EML6: variants seen among roughly 807,000 people sequenced by gnomAD.
The protein encoded by EML6 is echinoderm microtubule-associated protein-like 6.
Under a neutral mutation model 240.1 loss-of-function variants are expected in EML6, and 154 were observed. The ratio of observed to expected loss-of-function variants is 0.64; its 90% CI spans 0.56 to 0.73. The LOEUF is 0.73. EML6 is among the 30% of genes least tolerant of loss of function. The pLI is 0.00. For synonymous variants in EML6, 1,148 were observed against 899.0 expected (o/e 1.28, Z -4.95); for missense variants, 2,964 against 2,474.6 (o/e 1.20, Z -4.20).
At chr2:54,761,907 AC>A (rs1168805187) in intron 2 of EML6, among the ~76,000 whole-genome samples, 2 of 151,610 alleles carry the variant, frequency 1.3e-5, no homozygotes, top group African/African-American at 4.9e-5. Flanking sequence ...ATTCCCTTTT[AC>A]CCTTAATACT....
Position 54,962,541 on chromosome 2 carries a change from A to T in EML6, c.4987A>T (p.Thr1663Ser). 1 of 1,546,674 alleles carries T rather than the reference A, an allele frequency of 6.5e-7. No homozygotes were observed. Among genetic ancestry groups the T allele is most frequent in the Non-Finnish European group, 8.7e-7 (1 of 1,144,742 alleles). ...ACAACAGGGAAAAATCTTAGTGGGA[A>T]CCAAAGACGGAGAAATAATTGAAGT... ...CRGKGKILVG[T>S]KDGEIIEVGE... is the part of the protein sequence containing the mutation. Residue 1663 changes from threonine to serine, a missense_variant, in exon 36 of 42, where the codon ACC (threonine) becomes TCC (serine). Thr to Ser is a moderately conservative substitution (Grantham distance 58). Coordinates refer to ENST00000356458, the MANE Select transcript of EML6 (RefSeq NM_001039753.4).
chr2:54,874,344 C>T (rs969570492), intron 16 of EML6, among the ~76,000 whole-genome samples: 6 of 152,224 alleles, frequency 3.9e-5, no homozygotes, highest in Admixed American at 3.9e-4. Context: ...AAATCAGATA[C>T]TCTGGAGGAG....
chr2:54,899,895 T>C (rs1672966654), intron 22 of EML6, 113 bp downstream of exon 22: 3 of 1,020,806 alleles, frequency 2.9e-6, no homozygotes, highest in Non-Finnish European at 4.2e-6. Context: ...CCCATAAATA[T>C]GCTGGGCAAT....
intron 2 of EML6, among the ~76,000 whole-genome samples, chr2:54,808,007 T>C (rs1670587017): frequency 6.6e-6 from 1 of 152,226 alleles, no homozygotes; most frequent in African/African-American, 2.4e-5. Context: ...GCACCACTCA[T>C]CAAGCTTGTT....
intron 2 of EML6, among the ~76,000 whole-genome samples, chr2:54,742,786 T>G (rs1398414488): frequency 6.6e-6 from 1 of 152,144 alleles, no homozygotes; most frequent in East Asian, 1.9e-4. Flanking sequence ...CTTTGCAAAG[T>G]GAGTTGAAGA....
intron 16 of EML6, among the ~76,000 whole-genome samples, chr2:54,875,287 A>C (rs1433550199): frequency 6.6e-6 from 1 of 152,234 alleles, no homozygotes; most frequent in Non-Finnish European, 1.5e-5. Flanking sequence ...ATCCTTTGGA[A>C]ACTGATAGAA....
chr2:54,822,023 G>C (rs1157092815), intron 5 of EML6, among the ~76,000 whole-genome samples: 1 of 152,004 alleles, frequency 6.6e-6, no homozygotes, highest in African/African-American at 2.4e-5. Flanking sequence ...CCGCAAACTA[G>C]CAAAAGTATA....
chr2:54,747,408 T>G (rs1268547321), intron 2 of EML6: 1 of 152,236 alleles, frequency 6.6e-6, no homozygotes, highest in African/African-American at 2.4e-5. Flanking sequence ...AAAGGTCTGC[T>G]AGACTGATGT....
chr2:54,725,044 G>A lies in EML6; in HGVS notation c.-18G>A, dbSNP rs1369291235. 2.0e-6 allele frequency: 3 copies of A among 1,495,068 alleles called. No homozygotes were observed. The highest frequency in any genetic ancestry group is 2.9e-5 in the East Asian group (1 of 34,030). The allele number at this position is 1,495,068 out of a possible 1,614,324, so 92.6% of individuals were successfully genotyped here. A position where few individuals can be genotyped will look rare whatever the true frequency, so the allele number is the denominator to read the frequency against. On this transcript the variant is annotated 5_prime_UTR_variant, in exon 2 of 42. Transcript: ENST00000356458. The surrounding 1 kb of genome is among the most constrained non-coding windows in gnomAD (Gnocchi z 4.3). ...CCCGGCGCGCGGGGGGGCGGGGGGC[G>A]CGCGGGGTCGGCTTATCATGGCGGA...
chr2:54,894,091 T>G (rs1030302559), intron 19 of EML6, among the ~76,000 whole-genome samples: 4 of 151,998 alleles, frequency 2.6e-5, no homozygotes, highest in Admixed American at 2.6e-4. Context: ...TATATAAGAA[T>G]AAGGATATTT....
chr2:54,943,113 C>T (rs75969496), intron 28 of EML6, among the ~76,000 whole-genome samples: 1 of 152,314 alleles, frequency 6.6e-6, no homozygotes, highest in East Asian at 1.9e-4. Flanking sequence ...AGCAGTCATC[C>T]AGGTTTCAAC....
chr2:54,928,702 G>A lies in EML6; in HGVS notation c.3955G>A (p.Glu1319Lys). ...TTATGCTGTGAGCATCAGGGAAATG[G>A]AAGGCACCAAGCCACACCAGCAGCT... ...KIYAVSIREM[E>K]GTKPHQQLKE... The change falls in exon 28 of 42, where the codon GAA becomes AAA. Residue 1319 changes from glutamate to lysine, a missense_variant. Physicochemically the swap from Glu to Lys is moderately conservative, Grantham distance 56. Transcript: ENST00000356458. The A allele has an allele frequency of 1.3e-6, 2 of 1,551,722 alleles. No homozygotes were observed. Among genetic ancestry groups the A allele is most frequent in the Non-Finnish European group, 1.7e-6 (2 of 1,147,010 alleles).
chr2:54,837,458 G>A lies in EML6; in HGVS notation c.848-6589G>A, dbSNP rs191050161. ...ATAATGCCACCTCCTAAGCACTCACGGGCACTCACGGGCACACGGCTTGGT... is the reference window on the plus strand; with the variant it reads ...ATAATGCCACCTCCTAAGCACTCACAGGCACTCACGGGCACACGGCTTGGT... On this transcript the variant is annotated intron_variant, in intron 7 of 41. Transcript: ENST00000356458. Among the ~76,000 whole-genome samples, 54 of 152,100 alleles carry A rather than the reference G, an allele frequency of 3.6e-4. 1 individual carries two copies. Among genetic ancestry groups the A allele is most frequent in the African/African-American group, 1.3e-3 (52 of 41,440 alleles).
At chr2:54,849,873 C>T in intron 9 of EML6, 89 bp from the exon 10 acceptor site, 4 of 1,059,034 alleles carry the variant, frequency 3.8e-6, no homozygotes, top group Non-Finnish European at 5.4e-6. Context: ...TCTCTTTCAA[C>T]ACACTTCTTT....
intron 2 of EML6, among the ~76,000 whole-genome samples, chr2:54,812,780 C>G (rs1454066594): frequency 6.6e-6 from 1 of 152,010 alleles, no homozygotes; most frequent in Non-Finnish European, 1.5e-5. Context: ...CTTTGAAATC[C>G]TAATGAGGAT....
intron 12 of EML6, among the ~76,000 whole-genome samples, chr2:54,862,360 A>G (rs1192832628): frequency 3.3e-5 from 5 of 150,944 alleles, no homozygotes; most frequent in African/African-American, 9.7e-5. Context: ...AAAAAAAAAA[A>G]AAAAACTTTC....
chr2:54,945,563 C>T (rs936651830), intron 28 of EML6, among the ~76,000 whole-genome samples: 8 of 152,166 alleles, frequency 5.3e-5, no homozygotes, highest in African/African-American at 1.9e-4. Flanking sequence ...AAGCCTCACT[C>T]CCCAGTTGGC....
chr2:54,883,213 A>G (rs955324151), intron 17 of EML6, among the ~76,000 whole-genome samples: 1 of 151,930 alleles, frequency 6.6e-6, no homozygotes, highest in Non-Finnish European at 1.5e-5. Flanking sequence ...TTTAGTGTGT[A>G]TTTTTCTAGT....
intron 2 of EML6, among the ~76,000 whole-genome samples, chr2:54,753,924 C>G (rs1684285473): frequency 6.6e-6 from 1 of 151,822 alleles, no homozygotes; most frequent in African/African-American, 2.4e-5. Flanking sequence ...ATCACGAGGT[C>G]AGGAGTTCGA....
Sources: gnomAD v4.1 joint callset for allele counts (sites outside exome capture counted in the v4.1 genomes callset) on GRCh38, gnomAD v4.1.1 for gene constraint, Gnocchi (gnomAD v3.1) non-coding constraint, MANE v1.5 for transcripts, NCBI Gene and HGNC (gene_info 2026-07-23, HGNC 2026-07-21) for gene names.